Variants in KCNMA1 observed in about 807,000 individuals in gnomAD.
KCNMA1 encodes Calcium-activated potassium channel subunit alpha-1.
KCNMA1 carries 29 observed loss-of-function variants against 140.0 expected under a neutral mutation model. That is an observed-to-expected ratio of 0.21 (90% CI 0.15 to 0.28). The LOEUF (loss-of-function observed/expected upper bound fraction) is 0.28. Ranked by LOEUF, KCNMA1 falls within the 10% of genes least tolerant of loss-of-function variation. The probability of loss-of-function intolerance (pLI) is 1.00; values close to 1 mark genes in which losing one functional copy is unlikely to be tolerated. For missense variants in KCNMA1, 880 were observed against 1,602.2 expected (o/e 0.55, Z 7.70); for synonymous variants, 612 against 611.9 (o/e 1.00, Z 0.00).
intron 13 of KCNMA1, 109 bp downstream of exon 13, chr10:77,079,372 G>GTGTA: frequency 1.5e-6 from 1 of 667,250 alleles, no homozygotes; most frequent in Middle Eastern, 3.6e-4. Context: ...ATGTGAGAGT[G>GTGTA]TGTGTGTGTG....
chr10:77,573,170 C>T (rs1006265828), intron 1 of KCNMA1, among the ~76,000 whole-genome samples: 6 of 152,164 alleles, frequency 3.9e-5, no homozygotes, highest in African/African-American at 1.4e-4. Flanking sequence ...AAGTCCTTCC[C>T]ACTAAGTCTC....
intron 2 of KCNMA1, among the ~76,000 whole-genome samples, chr10:77,281,786 T>C (rs772769771): frequency 1.3e-4 from 20 of 152,128 alleles, no homozygotes; most frequent in Non-Finnish European, 2.4e-4. Flanking sequence ...AAGCCAGACA[T>C]AAAGGATTAC....
At chr10:77,557,645 ATTTTT>A (rs148296325) in intron 1 of KCNMA1, among the ~76,000 whole-genome samples, 14,568 of 131,930 alleles carry the variant, frequency 0.11, 822 homozygotes, top group Middle Eastern at 0.17. Flanking sequence ...CCAGGAAGTG[ATTTTT>A]TTTTTTTTTT....
chr10:77,511,181 C>T (rs1025269781), intron 1 of KCNMA1, among the ~76,000 whole-genome samples: 7 of 152,220 alleles, frequency 4.6e-5, no homozygotes, highest in Admixed American at 3.9e-4. Context: ...TTCAGCAGCT[C>T]TGGGCTGGGA....
intron 9 of KCNMA1, among the ~76,000 whole-genome samples, chr10:77,107,616 G>A (rs974235123): frequency 1.3e-5 from 2 of 152,190 alleles, no homozygotes; most frequent in African/African-American, 4.8e-5. Context: ...GATATCGAGA[G>A]TGATAAAGTG....
intron 25 of KCNMA1, among the ~76,000 whole-genome samples, chr10:76,909,111 T>C (rs1203467732): frequency 1.3e-5 from 2 of 152,226 alleles, no homozygotes; most frequent in African/African-American, 2.4e-5. Flanking sequence ...AGCCAGGCCT[T>C]GCCTCCATGC....
intron 19 of KCNMA1, among the ~76,000 whole-genome samples, chr10:76,981,970 C>T (rs2079625463): frequency 1.3e-5 from 2 of 152,064 alleles, no homozygotes; most frequent in South Asian, 2.1e-4. Context: ...TCAGGAGCCC[C>T]GGGGTTCTAG....
intron 1 of KCNMA1, among the ~76,000 whole-genome samples, chr10:77,588,664 C>T (rs377571672): frequency 2.6e-5 from 4 of 152,266 alleles, no homozygotes; most frequent in African/African-American, 9.6e-5. Flanking sequence ...TCTACCCTCA[C>T]CACAGATCAA....
intron 8 of KCNMA1, among the ~76,000 whole-genome samples, chr10:77,109,589 A>G (rs2153870271): frequency 6.6e-6 from 1 of 152,232 alleles, no homozygotes; most frequent in South Asian, 2.1e-4. Flanking sequence ...AAAATACCCC[A>G]TGTGTCCGCT....
chr10:77,391,628 GTT>G (rs1271666697), intron 2 of KCNMA1, among the ~76,000 whole-genome samples: 2 of 151,634 alleles, frequency 1.3e-5, no homozygotes, highest in Non-Finnish European at 2.9e-5. Context: ...TTGTTTGTTT[GTT>G]TGTTTGTTTG....
intron 3 of KCNMA1, among the ~76,000 whole-genome samples, chr10:77,196,431 C>CTT (rs1291400797): frequency 6.6e-6 from 1 of 152,150 alleles, no homozygotes; most frequent in Non-Finnish European, 1.5e-5. Context: ...GGATCGCCTG[C>CTT]CTGCACAGGT....
chr10:77,386,006 C>T (rs1009284736), intron 2 of KCNMA1, among the ~76,000 whole-genome samples: 2 of 152,196 alleles, frequency 1.3e-5, no homozygotes, highest in African/African-American at 4.8e-5. Flanking sequence ...ATAGGACGTG[C>T]CTCCTACCAG....
intron 1 of KCNMA1, among the ~76,000 whole-genome samples, chr10:77,589,913 C>T (rs1339399868): frequency 1.3e-5 from 2 of 152,100 alleles, no homozygotes; most frequent in Non-Finnish European, 1.5e-5. Flanking sequence ...CTTATCTGGC[C>T]CCACCCACAT....
intron 18 of KCNMA1, among the ~76,000 whole-genome samples, chr10:77,007,653 G>GTGTGTGTGTATATATA: frequency 1.6e-4 from 14 of 88,462 alleles, no homozygotes; most frequent in African/African-American, 4.5e-4. Flanking sequence ...TTGTGTGTGT[G>GTGTGTGTGTATATATA]TATATATATA....
intron 1 of KCNMA1, among the ~76,000 whole-genome samples, chr10:77,407,838 C>CTGGGG (rs2096524105): frequency 6.6e-6 from 1 of 152,198 alleles, no homozygotes; most frequent in Non-Finnish European, 1.5e-5. Flanking sequence ...TAAGAGTAAT[C>CTGGGG]CACTGAAGCT....
chr10:77,204,864 G>A (rs1051616453), intron 3 of KCNMA1, among the ~76,000 whole-genome samples: 48 of 152,246 alleles, frequency 3.2e-4, no homozygotes, highest in African/African-American at 1.1e-3. Flanking sequence ...GACCCCACGG[G>A]TGACCCCAGG....
chr10:76,988,518 G>C (rs892132225), intron 19 of KCNMA1, among the ~76,000 whole-genome samples: 3 of 151,942 alleles, frequency 2.0e-5, no homozygotes, highest in African/African-American at 7.3e-5. Flanking sequence ...ACAGAAGGAG[G>C]TCCCATCTCA....
At position 77,054,010 on chromosome 10, in the gene KCNMA1, C is replaced by T. The variant is rs553623385; in HGVS notation, c.1750-14373G>A. Among the ~76,000 whole-genome samples the T allele has an allele frequency of 1.1e-4, 17 of 152,202 alleles. No individual in the cohort carries two copies. In the South Asian group the frequency reaches 3.5e-3, roughly 32 times the overall value. ...CTGCCCACTGCACAGCCGCACAACC[C>T]CCCTCACACTTCACAAACCAGGGAT... is the stretch of plus-strand genomic sequence containing the variant. On this transcript the variant is annotated intron_variant, in intron 14 of 27. Coordinates refer to ENST00000286628, the MANE Select transcript of KCNMA1 (RefSeq NM_001161352.2).
chr10:77,287,851 C>G (rs1222395732), intron 2 of KCNMA1, among the ~76,000 whole-genome samples: 2 of 152,240 alleles, frequency 1.3e-5, no homozygotes, highest in African/African-American at 4.8e-5. Flanking sequence ...AACAGAGTTA[C>G]TGCTGCCTTA....
Sources: allele counts gnomAD v4.1 joint callset (sites outside exome capture counted in the v4.1 genomes callset), GRCh38; gene constraint gnomAD v4.1.1; transcripts MANE v1.5; gene names NCBI Gene and HGNC (gene_info 2026-07-23, HGNC 2026-07-21).